The following GABRG3 variants were observed in gnomAD, a reference collection of about 807,000 sequenced individuals.
GABRG3 encodes gamma-aminobutyric acid type A receptor subunit gamma3.
GABRG3 carries 25 observed loss-of-function variants against 48.8 expected under a neutral mutation model. The observed-to-expected ratio is 0.51, with a 90% CI of 0.37 to 0.72. The LOEUF is 0.72. GABRG3 is among the 30% of genes least tolerant of loss of function. The pLI, the probability that GABRG3 is intolerant of heterozygous loss-of-function variation, is 0.00. For synonymous variants in GABRG3, 227 were observed against 217.6 expected (o/e 1.04, Z -0.38); for missense variants, 394 against 577.9 (o/e 0.68, Z 3.26).
In GABRG3 at chr15:27,539,737, C is replaced by T. The variant is rs1309421358; in HGVS notation, c.*6856C>T. 4 of 152,158 alleles carry T rather than the reference C, an allele frequency of 2.6e-5. No individual in the cohort carries two copies. Among genetic ancestry groups the T allele is most frequent in the Non-Finnish European group, 5.9e-5 (4 of 68,056 alleles). The allele number at this position is 152,158 out of a possible 1,614,324, so 9.4% of individuals were successfully genotyped here. On this transcript the variant is annotated 3_prime_UTR_variant, in exon 10 of 10. Transcript: ENST00000615808. ...ACGTAGCTTGGCAGACCCAGACCAC[C>T]CTGAGCCAGCCTGCCACATCCGCTA... is the stretch of plus-strand genomic sequence containing the variant.
intron 2 of GABRG3, among the ~76,000 whole-genome samples, chr15:27,003,912 T>C (rs1336387293): frequency 5.2e-5 from 7 of 134,976 alleles, no homozygotes; most frequent in Admixed American, 1.5e-4. Context: ...GGCTCCTCAC[T>C]TCCCAGTAGG....
chr15:27,524,178 A>G (rs935672760), intron 7 of GABRG3, among the ~76,000 whole-genome samples: 6 of 152,110 alleles, frequency 3.9e-5, no homozygotes, highest in African/African-American at 1.4e-4. Context: ...ATTGAATGAC[A>G]ATGGATTTCT....
At chr15:27,405,849 C>A (rs1326818865) in intron 5 of GABRG3, among the ~76,000 whole-genome samples, 1 of 142,206 alleles carries the variant, frequency 7.0e-6, no homozygotes, top group African/African-American at 2.9e-5. Context: ...GATTCTAGGA[C>A]TGGGGGAGGG....
intron 3 of GABRG3, among the ~76,000 whole-genome samples, chr15:27,122,447 C>G (rs1238564612): frequency 6.6e-6 from 1 of 152,204 alleles, no homozygotes; most frequent in African/African-American, 2.4e-5. Context: ...TGTTCAGGTT[C>G]CCACAGCTAG....
chr15:27,134,910 G>A (rs1450716053), intron 3 of GABRG3, among the ~76,000 whole-genome samples: 1 of 152,102 alleles, frequency 6.6e-6, no homozygotes, highest in Non-Finnish European at 1.5e-5. Context: ...AATCTTACAG[G>A]GCTGGTCCTC....
At chr15:27,478,809 G>A (rs1055768904) in intron 5 of GABRG3, among the ~76,000 whole-genome samples, 4 of 152,138 alleles carry the variant, frequency 2.6e-5, no homozygotes, top group Non-Finnish European at 4.4e-5. Context: ...ATATTATTTG[G>A]CAATAAATGA....
rs147480593 is a variant in GABRG3 at position 27,039,981 on chromosome 15, T to C, written c.270+13160T>C. On this transcript the variant is annotated intron_variant, in intron 3 of 9. Transcript: ENST00000615808. ...TTGCTGGGACACTTCTTCTCTTTTC[T>C]GCTCCCTCCATCCCACTTAATTCTT... Among the ~76,000 whole-genome samples, 185 of 152,366 alleles carry C rather than the reference T, an allele frequency of 1.2e-3. No homozygotes were observed. The South Asian group carries it at 0.012, about 10-fold the overall frequency.
chr15:27,048,045 T>C (rs924352297), intron 3 of GABRG3, among the ~76,000 whole-genome samples: 1 of 152,144 alleles, frequency 6.6e-6, no homozygotes, highest in Non-Finnish European at 1.5e-5. Flanking sequence ...AGATAGTCGG[T>C]GAGTGAGGGC....
chr15:27,164,778 A>G (rs1442479527), intron 3 of GABRG3, among the ~76,000 whole-genome samples: 2 of 152,250 alleles, frequency 1.3e-5, no homozygotes, highest in Non-Finnish European at 2.9e-5. Flanking sequence ...CATTTTAGAC[A>G]TTAAGTATCA....
intron 5 of GABRG3, among the ~76,000 whole-genome samples, chr15:27,472,369 G>A (rs1219085630): frequency 3.3e-5 from 5 of 151,978 alleles, no homozygotes; most frequent in East Asian, 1.9e-4. Flanking sequence ...TCTGCCTCCC[G>A]GGTTCAAGCG....
chr15:27,096,838 CTTTTT>C (rs34613626), intron 3 of GABRG3, among the ~76,000 whole-genome samples: 1 of 126,148 alleles, frequency 7.9e-6, no homozygotes. Context: ...TTCTTTCTAT[CTTTTT>C]TTTTTTTTTT....
rs896055712 is a variant in GABRG3, at chr15:26,976,179, C to G, written c.54-823C>G. On this transcript the variant is annotated intron_variant, in intron 1 of 9. Transcript: ENST00000615808. This position sits in a 1 kb window ranked among gnomAD's most constrained non-coding sequence, Gnocchi z 7.8. Reference sequence around the variant, plus strand: ...CCTGAGGCCTCTCCATTCAGGCACTCCTGTCAGTGTGTGTCACACGGGAGA... The same window carrying G: ...CCTGAGGCCTCTCCATTCAGGCACTGCTGTCAGTGTGTGTCACACGGGAGA... Among the ~76,000 whole-genome samples the G allele has an allele frequency of 1.3e-5, 2 of 152,132 alleles. No homozygotes were observed. Among genetic ancestry groups the G allele is most frequent in the Non-Finnish European group, 2.9e-5 (2 of 68,026 alleles).
Position 27,351,022 on chromosome 15 carries a change from ATG to A in GABRG3, c.574+22138_574+22139del, listed in dbSNP as rs950138156. 3.7e-4 allele frequency among the ~76,000 whole-genome samples: 51 copies of A among 136,644 alleles called. 1 individual carries two copies. Among genetic ancestry groups the A allele is most frequent in the African/African-American group, 1.2e-3 (42 of 35,652 alleles). 89.6% of individuals were successfully genotyped at this position (136,644 alleles called of 152,430 possible). ...TTTACTTGTGTGTATGGTGTGTATGATGTGTTTGTGTGTATGGTGTATGTGCA... is the reference window on the plus strand; with the variant it reads ...TTTACTTGTGTGTATGGTGTGTATGATGTTTGTGTGTATGGTGTATGTGCA... On this transcript the variant is annotated intron_variant, in intron 5 of 9. Transcript: ENST00000615808.
intron 5 of GABRG3, among the ~76,000 whole-genome samples, chr15:27,410,692 A>G (rs1314878357): frequency 6.6e-6 from 1 of 152,058 alleles, no homozygotes; most frequent in Non-Finnish European, 1.5e-5. Context: ...ACATTCTCTC[A>G]GTTTTAGTTT....
intron 2 of GABRG3, among the ~76,000 whole-genome samples, chr15:26,984,910 C>T (rs184938095): frequency 8.4e-4 from 128 of 152,258 alleles, no homozygotes; most frequent in African/African-American, 2.8e-3. Context: ...TCCTGGGCAA[C>T]GCTGACTGAT....
At chr15:27,301,374 G>A (rs780157195) in intron 3 of GABRG3, among the ~76,000 whole-genome samples, 1 of 152,052 alleles carries the variant, frequency 6.6e-6, no homozygotes, top group African/African-American at 2.4e-5. Context: ...CTATTTCACT[G>A]CTGAATAATA....
chr15:26,998,978 GCTC>G (rs1482352237), intron 2 of GABRG3, among the ~76,000 whole-genome samples: 1 of 152,046 alleles, frequency 6.6e-6, no homozygotes, highest in African/African-American at 2.4e-5. Context: ...GAGCTGCCAT[GCTC>G]CTCATTTTGC....
chr15:27,339,062 A>C (rs1197297030), intron 5 of GABRG3, among the ~76,000 whole-genome samples: 2 of 152,134 alleles, frequency 1.3e-5, no homozygotes, highest in African/African-American at 4.8e-5. Context: ...TGTGGCAGGA[A>C]AGGAGCATAC....
intron 2 of GABRG3, among the ~76,000 whole-genome samples, chr15:27,017,307 T>G (rs1207002559): frequency 6.6e-6 from 1 of 152,144 alleles, no homozygotes; most frequent in African/African-American, 2.4e-5. Context: ...GCAATTACTT[T>G]TGCACCAAGT....
Sources: allele counts gnomAD v4.1 joint callset (sites outside exome capture counted in the v4.1 genomes callset), GRCh38; gene constraint gnomAD v4.1.1; non-coding constraint Gnocchi (gnomAD v3.1); transcripts MANE v1.5; gene names NCBI Gene and HGNC (gene_info 2026-07-23, HGNC 2026-07-21).